ATP6V0A4: variants seen among roughly 807,000 people sequenced by gnomAD.
ATP6V0A4 encodes ATPase H+ transporting V0 subunit a4.
A neutral mutation model predicts 107.3 loss-of-function variants in ATP6V0A4; 86 were observed. That is an observed-to-expected ratio of 0.80 (90% CI 0.67 to 0.96). The LOEUF (loss-of-function observed/expected upper bound fraction) is 0.96, where lower values mean the gene tolerates loss of function less well. Among genes scored for constraint, ATP6V0A4 ranks in the 40% least tolerant of loss-of-function variants. The pLI is 0.00. For missense variants in ATP6V0A4, 908 were observed against 1,045.6 expected, an observed-to-expected ratio of 0.87 and a Z score of 1.81; for synonymous variants, 353 against 381.4, an observed-to-expected ratio of 0.93 and a Z score of 0.87.
intron 17 of ATP6V0A4, among the ~76,000 whole-genome samples, chr7:138,729,762 C>T (rs751317270): frequency 2.6e-5 from 4 of 152,226 alleles, no homozygotes; most frequent in Non-Finnish European, 4.4e-5. Flanking sequence ...TGAGCCTTCA[C>T]GTTTCTCCAA....
chr7:138,784,060 T>C (rs924615034), intron 2 of ATP6V0A4, among the ~76,000 whole-genome samples: 15 of 151,810 alleles, frequency 9.9e-5, no homozygotes, highest in Non-Finnish European at 1.9e-4. Flanking sequence ...AGGTAAGATA[T>C]AGATGATCTA....
chr7:138,706,845 C>G, intron 21 of ATP6V0A4, 128 bp from the exon 22 acceptor site: 1 of 1,478,126 alleles, frequency 6.8e-7, no homozygotes, highest in Non-Finnish European at 9.1e-7. Context: ...AAGGGTTGGC[C>G]ACGGCAGGCA....
chr7:138,744,789 G>T (rs1584918917), intron 14 of ATP6V0A4, among the ~76,000 whole-genome samples: 1 of 151,796 alleles, frequency 6.6e-6, no homozygotes, highest in Non-Finnish European at 1.5e-5. Context: ...TGCAACCTCC[G>T]CCTCCCAGGC....
chr7:138,784,307 C>CATATATATAT (rs1243135259), intron 2 of ATP6V0A4, among the ~76,000 whole-genome samples: 4 of 123,920 alleles, frequency 3.2e-5, no homozygotes, highest in African/African-American at 1.5e-4. Context: ...CACACACACA[C>CATATATATAT]ATATATATAT....
At chr7:138,713,221 C>T (rs575107692) in intron 20 of ATP6V0A4, among the ~76,000 whole-genome samples, 18 of 146,804 alleles carry the variant, frequency 1.2e-4, no homozygotes, top group Non-Finnish European at 2.1e-4. Flanking sequence ...AGAAGAATTG[C>T]TTGAACCTGG....
intron 14 of ATP6V0A4, among the ~76,000 whole-genome samples, chr7:138,739,927 A>C (rs1202510681): frequency 6.6e-6 from 1 of 152,002 alleles, no homozygotes; most frequent in East Asian, 1.9e-4. Context: ...AGGATCCCTT[A>C]AGTCCAGGAG....
intron 20 of ATP6V0A4, among the ~76,000 whole-genome samples, chr7:138,710,935 A>G (rs1249751082): frequency 7.9e-5 from 12 of 152,206 alleles, no homozygotes; most frequent in Non-Finnish European, 1.8e-4. Context: ...CAGTTTACAC[A>G]TATTATCCCA....
At chr7:138,741,483 A>G (rs1187736296) in intron 14 of ATP6V0A4, among the ~76,000 whole-genome samples, 1 of 152,218 alleles carries the variant, frequency 6.6e-6, no homozygotes, top group Non-Finnish European at 1.5e-5. Flanking sequence ...CCCATAGCTA[A>G]GCCATCGTGT....
chr7:138,755,989 G>A (rs1806493376), intron 9 of ATP6V0A4: 2 of 848,964 alleles, frequency 2.4e-6, no homozygotes, highest in South Asian at 1.7e-5. Context: ...CTGCAGTTCT[G>A]TTATATGAAT....
intron 2 of ATP6V0A4, 163 bp from the exon 3 acceptor site, chr7:138,771,427 G>GTGAGACCCT: frequency 1.6e-5 from 4 of 252,884 alleles, no homozygotes; most frequent in Non-Finnish European, 1.8e-5. Context: ...TCTTAGACAG[G>GTGAGACCCT]GTCTCACTCT....
intron 15 of ATP6V0A4, among the ~76,000 whole-genome samples, chr7:138,737,548 G>C (rs1385325413): frequency 1.3e-5 from 2 of 150,902 alleles, no homozygotes; most frequent in Non-Finnish European, 2.9e-5. Context: ...GAACTGGAGA[G>C]GTAGGAAAGG....
intron 2 of ATP6V0A4, among the ~76,000 whole-genome samples, chr7:138,772,971 G>A (rs750734586): frequency 6.6e-6 from 1 of 152,148 alleles, no homozygotes; most frequent in African/African-American, 2.4e-5. Context: ...CCAAGGGGAG[G>A]AGGAGGGCAC....
intron 18 of ATP6V0A4, among the ~76,000 whole-genome samples, chr7:138,726,496 G>T (rs76151528): frequency 0.044 from 6,697 of 152,342 alleles, 199 homozygotes; most frequent in Non-Finnish European, 0.069. Flanking sequence ...CGGCCCTCTA[G>T]TGGAGAGGTT....
intron 11 of ATP6V0A4, among the ~76,000 whole-genome samples, chr7:138,751,420 G>A (rs1463548546): frequency 1.3e-5 from 2 of 151,866 alleles, no homozygotes; most frequent in Non-Finnish European, 2.9e-5. Context: ...TAATGTGTTC[G>A]GCCATCTTGT....
chr7:138,726,780 C>T (rs184472827), intron 18 of ATP6V0A4, among the ~76,000 whole-genome samples: 145 of 152,234 alleles, frequency 9.5e-4, no homozygotes, highest in Admixed American at 3.6e-3. Flanking sequence ...CAGGCCTCCA[C>T]GCCGTCTTCA....
intron 17 of ATP6V0A4, 103 bp downstream of exon 17, chr7:138,732,774 A>T: frequency 1.6e-6 from 2 of 1,269,910 alleles, no homozygotes; most frequent in Non-Finnish European, 2.2e-6. Context: ...AGCCTGGGTG[A>T]CAGAGCAAGA....
intron 8 of ATP6V0A4, among the ~76,000 whole-genome samples, chr7:138,758,357 A>C (rs948297372): frequency 6.6e-6 from 1 of 152,226 alleles, no homozygotes; most frequent in African/African-American, 2.4e-5. Context: ...AAGACATTAG[A>C]GTGATGGGGT....
intron 19 of ATP6V0A4, 33 bp downstream of exon 19, chr7:138,721,864 G>T (rs770646250): frequency 9.3e-6 from 15 of 1,612,096 alleles, no homozygotes; most frequent in Admixed American, 1.7e-5. Flanking sequence ...TACAAACTGG[G>T]GAGTCTTCCT....
At chr7:138,763,733 C>T (rs1363880285) in intron 5 of ATP6V0A4, among the ~76,000 whole-genome samples, 1 of 151,654 alleles carries the variant, frequency 6.6e-6, no homozygotes, top group Non-Finnish European at 1.5e-5. Flanking sequence ...TCCTGTAATC[C>T]CAGCACTTTG....
Sources: allele counts gnomAD v4.1 joint callset (sites outside exome capture counted in the v4.1 genomes callset), GRCh38; gene constraint gnomAD v4.1.1; transcripts MANE v1.5; gene names NCBI Gene and HGNC (gene_info 2026-07-23, HGNC 2026-07-21).